SMCHD1: variants seen among roughly 807,000 people sequenced by gnomAD.
SMCHD1 encodes structural maintenance of chromosomes flexible hinge domain containing 1, also known as structural maintenance of chromosomes flexible hinge domain-containing protein 1.
In SMCHD1, 78 loss-of-function variants were observed where a neutral mutation model predicts 254.7. The ratio of observed to expected loss-of-function variants is 0.31; its 90% CI spans 0.26 to 0.37. SMCHD1 has a LOEUF of 0.37. Ranked by LOEUF, SMCHD1 falls within the 10% of genes least tolerant of loss-of-function variation. SMCHD1 has a pLI of 1.00. For missense variants in SMCHD1, 1,840 were observed against 2,408.1 expected, an observed-to-expected ratio of 0.76 and a Z score of 4.94; for synonymous variants, 766 against 794.9, an observed-to-expected ratio of 0.96 and a Z score of 0.61.
intron 5 of SMCHD1, among the ~76,000 whole-genome samples, chr18:2,678,227 C>T (rs62084184): frequency 2.3e-3 from 304 of 131,836 alleles, no homozygotes; most frequent in South Asian, 6.5e-3. Context: ...CTTTCTTTTT[C>T]TTTCTTTCTT....
Position 2,760,748 on chromosome 18 carries a change from A to G in SMCHD1, c.4434+9A>G, listed in dbSNP as rs750428536. 3 of 1,551,002 alleles carry G rather than the reference A, an allele frequency of 1.9e-6. No homozygotes were observed. Among genetic ancestry groups the G allele is most frequent in the East Asian group, 2.3e-5 (1 of 44,164 alleles). On this transcript the variant is annotated intron_variant, in intron 35 of 47. Transcript: ENST00000320876. The stretch of plus-strand genomic sequence containing the variant: ...TTCTCAACAGTGAACAGGTTTGCTT[A>G]CTTTTTTTATATACCACAGTTAGCT...
chr18:2,758,490 A>G (rs2075724257), intron 34 of SMCHD1, among the ~76,000 whole-genome samples: 1 of 152,082 alleles, frequency 6.6e-6, no homozygotes, highest in Non-Finnish European at 1.5e-5. Flanking sequence ...ATTGCCTACA[A>G]TCAGTGTTTA....
chr18:2,737,217 A>G (rs1179138644), intron 25 of SMCHD1, among the ~76,000 whole-genome samples: 1 of 152,138 alleles, frequency 6.6e-6, no homozygotes, highest in Admixed American at 6.6e-5. Flanking sequence ...GTCACTGGAG[A>G]TTCCAAAAAA....
intron 45 of SMCHD1, chr18:2,784,948 A>G (rs1309286463): frequency 4.2e-5 from 2 of 47,770 alleles, no homozygotes; most frequent in Non-Finnish European, 9.0e-5. Flanking sequence ...TCCATCTCTT[A>G]AAAAAAAAAA....
chr18:2,729,184 G>A, intron 23 of SMCHD1, 91 bp from the exon 24 acceptor site: 1 of 1,040,748 alleles, frequency 9.6e-7, no homozygotes, highest in Admixed American at 3.7e-5. Context: ...AGAAATAGTA[G>A]CTCTACTGAA....
intron 47 of SMCHD1, chr18:2,800,692 A>C (rs1020974347): frequency 2.0e-5 from 3 of 152,096 alleles, no homozygotes; most frequent in Non-Finnish European, 4.4e-5. Flanking sequence ...GATTTGCCCT[A>C]TCCCAGTTAT....
rs576175704 is a variant in SMCHD1 at position 2,738,313 on chromosome 18, A to G, written c.3277-84A>G. ...TTGGGGGTGAAGAAGACGGATTATA[A>G]TGTAGTTTTAAGAGTAAGATAAGTG... On this transcript the variant is annotated intron_variant, in intron 25 of 47. Transcript: ENST00000320876. 4 of 1,236,588 alleles carry G rather than the reference A, an allele frequency of 3.2e-6. No individual in the cohort carries two copies. The African/African-American group carries it at 4.6e-5, about 14-fold the overall frequency. 76.6% of individuals were successfully genotyped at this position (1,236,588 alleles called of 1,614,324 possible). A position where few individuals can be genotyped will look rare whatever the true frequency, so the allele number is the denominator to read the frequency against.
At chr18:2,739,385 C>A in intron 26 of SMCHD1, 47 bp from the exon 27 acceptor site, 2 of 1,386,910 alleles carry the variant, frequency 1.4e-6, no homozygotes, top group South Asian at 1.2e-5. Flanking sequence ...GGAACTACTT[C>A]AATTAATGGT....
chr18:2,792,520 TG>T (rs1435539769), intron 45 of SMCHD1, among the ~76,000 whole-genome samples: 1 of 152,194 alleles, frequency 6.6e-6, no homozygotes, highest in Admixed American at 6.5e-5. Flanking sequence ...TAGTATCCAC[TG>T]GGGGTTTCAG....
At chr18:2,675,832 C>T (rs1178330748) in intron 5 of SMCHD1, among the ~76,000 whole-genome samples, 1 of 152,166 alleles carries the variant, frequency 6.6e-6, no homozygotes, top group Non-Finnish European at 1.5e-5. Flanking sequence ...TCTGATTTCT[C>T]TCTAGTTCTT....
At chr18:2,752,596 C>T in intron 34 of SMCHD1, 44 bp downstream of exon 34, 1 of 1,269,938 alleles carries the variant, frequency 7.9e-7, no homozygotes, top group South Asian at 1.2e-5. Flanking sequence ...TATCTTGTTA[C>T]AAAGTAATTC....
At chr18:2,755,668 T>C (rs1410021348) in intron 34 of SMCHD1, among the ~76,000 whole-genome samples, 5 of 148,032 alleles carry the variant, frequency 3.4e-5, no homozygotes, top group Admixed American at 2.0e-4. Flanking sequence ...CCCGGGTTCA[T>C]GCCATTCTCC....
At position 2,794,572 on chromosome 18, in the gene SMCHD1, G is replaced by C. The variant is rs148172716; in HGVS notation, c.5720-1377G>C. 1.5e-3 allele frequency among the ~76,000 whole-genome samples: 226 copies of C among 152,222 alleles called. 1 individual carries two copies. The highest frequency in any genetic ancestry group is 5.3e-3 in the African/African-American group (222 of 41,524). The stretch of plus-strand genomic sequence containing the variant: ...ATGAGTGGTAGTGTACTAACCCTTA[G>C]CCTAGAGTATAGTTACTATTTAATA... On this transcript the variant is annotated intron_variant, in intron 45 of 47. Transcript: ENST00000320876.
At chr18:2,706,092 A>C (rs901163502) in intron 14 of SMCHD1, among the ~76,000 whole-genome samples, 31 of 152,202 alleles carry the variant, frequency 2.0e-4, no homozygotes, top group African/African-American at 7.5e-4. Context: ...CATTGGAGCC[A>C]GAATTCTATC....
intron 17 of SMCHD1, among the ~76,000 whole-genome samples, chr18:2,716,685 C>T (rs2074807131): frequency 6.6e-6 from 1 of 152,174 alleles, no homozygotes; most frequent in Non-Finnish European, 1.5e-5. Context: ...CACTGCCATG[C>T]CAAAGATCCA....
At chr18:2,728,421 C>G (rs2075066530) in intron 22 of SMCHD1, 36 bp from the exon 23 acceptor site, 2 of 1,597,922 alleles carry the variant, frequency 1.3e-6, no homozygotes, top group Admixed American at 1.7e-5. Context: ...GTCTTTGAAA[C>G]CTGAATATGT....
At chr18:2,791,206 C>T (rs1395131991) in intron 45 of SMCHD1, among the ~76,000 whole-genome samples, 3 of 152,028 alleles carry the variant, frequency 2.0e-5, no homozygotes, top group African/African-American at 4.8e-5. Context: ...TCCTTAAATA[C>T]AAAGAAAAAT....
At chr18:2,784,978 T>G (rs371463240) in intron 45 of SMCHD1, 4 of 365,462 alleles carry the variant, frequency 1.1e-5, no homozygotes, top group Non-Finnish European at 2.1e-5. Flanking sequence ...TTTCTGTCAT[T>G]ATTGAATAAG....
chr18:2,756,642 C>A (rs1460325795), intron 34 of SMCHD1, among the ~76,000 whole-genome samples: 1 of 152,088 alleles, frequency 6.6e-6, no homozygotes, highest in Admixed American at 6.6e-5. Context: ...GTTTCCCAGG[C>A]TGGAGTGCAG....
Sources: gnomAD v4.1 joint callset for allele counts (sites outside exome capture counted in the v4.1 genomes callset) on GRCh38, gnomAD v4.1.1 for gene constraint, MANE v1.5 for transcripts, NCBI Gene and HGNC (gene_info 2026-07-23, HGNC 2026-07-21) for gene names.